SEMA3D: variants seen among roughly 807,000 people sequenced by gnomAD.
SEMA3D encodes semaphorin 3D.
In SEMA3D, 84 loss-of-function variants were observed where a neutral mutation model predicts 100.1. The ratio of observed to expected loss-of-function variants is 0.84; its 90% CI spans 0.70 to 1.01. SEMA3D has a LOEUF of 1.01. Among genes scored for constraint, SEMA3D ranks in the 50% least tolerant of loss-of-function variants. The pLI is 0.00. For missense variants in SEMA3D, 875 were observed against 934.1 expected (o/e 0.94, Z 0.82); for synonymous variants, 312 against 320.7 (o/e 0.97, Z 0.29).
At chr7:85,140,541 C>G in intron 2 of SEMA3D, 1 of 983,390 alleles carries the variant, frequency 1.0e-6, no homozygotes, top group African/African-American at 1.7e-5. Context: ...AACATCAGCA[C>G]AAATTTCTGT....
At chr7:85,017,866 G>A (rs1308329289) in intron 15 of SEMA3D, among the ~76,000 whole-genome samples, 1 of 151,672 alleles carries the variant, frequency 6.6e-6, no homozygotes, top group Non-Finnish European at 1.5e-5. Context: ...ATATGTGGAA[G>A]GTTGGCTGTT....
chr7:85,134,322 A>C (rs1789800647), intron 2 of SEMA3D, among the ~76,000 whole-genome samples: 1 of 152,032 alleles, frequency 6.6e-6, no homozygotes, highest in African/African-American at 2.4e-5. Flanking sequence ...ATAAATGCTT[A>C]GAAATGGTTT....
At chr7:85,220,070 C>T in the SEMA3D span, among the ~76,000 whole-genome samples, 1 of 151,994 alleles carries the variant, frequency 6.6e-6, no homozygotes, top group African/African-American at 2.4e-5. Flanking sequence ...TTGTTTGCTC[C>T]TAACTGTAAT....
chr7:85,143,021 G>A, intron 2 of SEMA3D: 1 of 951,866 alleles, frequency 1.1e-6, no homozygotes, highest in Non-Finnish European at 1.3e-6. Flanking sequence ...AATAAATATG[G>A]CTTTCATATG....
intron 1 of SEMA3D, 49 bp downstream of exon 1, chr7:85,186,629 T>G (rs1180278814): frequency 6.6e-6 from 1 of 152,618 alleles, no homozygotes; most frequent in Admixed American, 6.5e-5. Context: ...CACCGCGGTC[T>G]CCAGCACACC....
chr7:85,203,453 T>C, the SEMA3D span, among the ~76,000 whole-genome samples: 3 of 152,126 alleles, frequency 2.0e-5, no homozygotes, highest in East Asian at 1.9e-4. Context: ...CAACCGAACA[T>C]TGTGCAGAAT....
intron 2 of SEMA3D, among the ~76,000 whole-genome samples, chr7:85,149,084 TA>T (rs1487360912): frequency 2.6e-5 from 4 of 152,130 alleles, no homozygotes; most frequent in Non-Finnish European, 1.5e-5. Flanking sequence ...CACCAAATCT[TA>T]AAATGTTATG....
intron 12 of SEMA3D, among the ~76,000 whole-genome samples, chr7:85,033,596 T>TTTG (rs1238532132): frequency 2.0e-5 from 3 of 152,260 alleles, no homozygotes; most frequent in African/African-American, 4.8e-5. Context: ...ATGCAAATAA[T>TTTG]TTGTTGTTGT....
At chr7:85,215,322 T>C in the SEMA3D span, among the ~76,000 whole-genome samples, 6 of 152,142 alleles carry the variant, frequency 3.9e-5, no homozygotes, top group South Asian at 2.1e-4. Context: ...GTAGGTGTTA[T>C]TGTTGTTCTC....
chr7:85,022,297 T>A, intron 13 of SEMA3D, 94 bp downstream of exon 13: 1 of 829,386 alleles, frequency 1.2e-6, no homozygotes, highest in Non-Finnish European at 2.0e-6. Context: ...TACTCATTTT[T>A]ATTTTGACCA....
At chr7:85,224,989 C>T in the SEMA3D span, among the ~76,000 whole-genome samples, 1 of 142,456 alleles carries the variant, frequency 7.0e-6, no homozygotes, top group African/African-American at 2.6e-5. Context: ...GTTGTCTATG[C>T]TTTTCAAACC....
chr7:85,165,144 AACATG>A (rs1790866270), intron 1 of SEMA3D, among the ~76,000 whole-genome samples: 1 of 152,004 alleles, frequency 6.6e-6, no homozygotes, highest in South Asian at 2.1e-4. Context: ...GCAGCACACC[AACATG>A]GCACATGTAT....
chr7:85,235,480 T>G, the SEMA3D span, among the ~76,000 whole-genome samples: 1 of 152,156 alleles, frequency 6.6e-6, no homozygotes, highest in Non-Finnish European at 1.5e-5. Flanking sequence ...CTAAGTCTTA[T>G]CAACTGAATT....
At chr7:85,010,792 G>A (rs1003696782) in intron 17 of SEMA3D, among the ~76,000 whole-genome samples, 1 of 151,724 alleles carries the variant, frequency 6.6e-6, no homozygotes, top group Non-Finnish European at 1.5e-5. Context: ...GTCTGTGTCT[G>A]GTACGTAAGG....
chr7:85,079,964 GGGA>G (rs1788005688), intron 5 of SEMA3D, among the ~76,000 whole-genome samples: 1 of 152,226 alleles, frequency 6.6e-6, no homozygotes, highest in South Asian at 2.1e-4. Flanking sequence ...CCAAAGCCGT[GGGA>G]GGAGAAGAAT....
At chr7:85,175,784 A>T (rs1791207340) in intron 1 of SEMA3D, among the ~76,000 whole-genome samples, 1 of 152,088 alleles carries the variant, frequency 6.6e-6, no homozygotes, top group Non-Finnish European at 1.5e-5. Flanking sequence ...ATAACAATGA[A>T]TTCGGTTATG....
At chr7:85,051,597 A>G (rs1339059197) in intron 9 of SEMA3D, among the ~76,000 whole-genome samples, 4 of 151,870 alleles carry the variant, frequency 2.6e-5, no homozygotes, top group African/African-American at 9.7e-5. Context: ...GCACTTCCAT[A>G]ACTTCAAGAT....
intron 1 of SEMA3D, among the ~76,000 whole-genome samples, chr7:85,182,301 A>G (rs1229792505): frequency 6.6e-6 from 1 of 152,078 alleles, no homozygotes; most frequent in Admixed American, 6.5e-5. Context: ...GTCTCTCACA[A>G]TTTTTTATGA....
chr7:85,050,120 CAG>C lies in SEMA3D; in HGVS notation c.861+5595_861+5596del, dbSNP rs980870075. On this transcript the variant is annotated intron_variant, in intron 9 of 18. Coordinates refer to ENST00000284136, the MANE Select transcript of SEMA3D (RefSeq NM_001384900.1). ...ACACACACACACACACACACACACA[CAG>C]AGACAGAGTAATAAACATCAGACAG... 8.1e-4 allele frequency among the ~76,000 whole-genome samples: 113 copies of C among 139,820 alleles called. 2 individuals are homozygous for C. Among genetic ancestry groups the C allele is most frequent in the African/African-American group, 2.9e-3 (108 of 37,330 alleles). The allele number at this position is 139,820 out of a possible 152,430, so 91.7% of individuals were successfully genotyped here. A position where few individuals can be genotyped will look rare whatever the true frequency, so the allele number is the denominator to read the frequency against.
Sources: allele counts gnomAD v4.1 joint callset (sites outside exome capture counted in the v4.1 genomes callset), GRCh38; gene constraint gnomAD v4.1.1; transcripts MANE v1.5; gene names NCBI Gene and HGNC (gene_info 2026-07-23, HGNC 2026-07-21).